Variants in PER3 observed in about 807,000 individuals in gnomAD.
PER3 encodes period circadian protein homolog 3.
A neutral mutation model predicts 127.2 loss-of-function variants in PER3; 107 were observed. The observed-to-expected ratio is 0.84, with a 90% CI of 0.72 to 0.99. The LOEUF is 0.99. PER3 is among the 50% of genes least tolerant of loss of function. PER3 has a pLI of 0.00. For missense variants in PER3, 1,560 were observed against 1,525.8 expected, an observed-to-expected ratio of 1.02 and a Z score of -0.37; for synonymous variants, 618 against 585.8, an observed-to-expected ratio of 1.05 and a Z score of -0.79.
intron 13 of PER3, 23 bp downstream of exon 13, chr1:7,810,611 G>C (rs1469358996): frequency 1.3e-6 from 2 of 1,595,896 alleles, no homozygotes; most frequent in Non-Finnish European, 1.7e-6. Context: ...GCAGCCCCAA[G>C]GATCTCCTTC....
rs757933471 is a variant in PER3, at chr1:7,810,456, T to C, written c.1390T>C (p.Tyr464His). ...CCCTAAGATGACCTTGCAGCAGGTCTATGCCAGTGTGAACAAAATTAAAAA... is the reference window on the plus strand; with the variant it reads ...CCCTAAGATGACCTTGCAGCAGGTCCATGCCAGTGTGAACAAAATTAAAAA... ...KAEQMTLQQVYASVNKIKNLG... is the reference protein window; with the variant it reads ...KAEQMTLQQVHASVNKIKNLG... Residue 464 changes from tyrosine (Y) to histidine (H), a missense_variant, in exon 13 of 22, where the codon TAT (tyrosine) becomes CAT (histidine). By Grantham distance (83) the Tyr-to-His change is moderately conservative. This residue lies in a region of PER3 where 1,332 missense variants were observed against 1,223.6 expected (regional missense o/e 1.09). Transcript: ENST00000377532. The C allele has an allele frequency of 6.2e-7, 1 of 1,610,414 alleles. No homozygotes were observed. Among genetic ancestry groups the C allele is most frequent in the African/African-American group, 1.3e-5 (1 of 74,810 alleles).
rs149617070 is a variant in PER3 at position 7,827,244 on chromosome 1, A to G, written c.2315A>G (p.His772Arg). Residue 772 changes from histidine to arginine, a missense_variant, in exon 18 of 22, where the codon CAT becomes CGT. Physicochemically the swap from His to Arg is conservative, Grantham distance 29. Coordinates refer to ENST00000377532, the MANE Select transcript of PER3 (RefSeq NM_001377275.1). ...NTGSGPRRGA[H>R]QNAQPCCPSA... Reference sequence around the variant, plus strand: ...GGCTCTGGTCCCCGCAGGGGAGCGCATCAGAACGCACAGCCCTGCTGCCCC... The same window carrying G: ...GGCTCTGGTCCCCGCAGGGGAGCGCGTCAGAACGCACAGCCCTGCTGCCCC... 36 of 1,613,862 alleles carry G rather than the reference A, an allele frequency of 2.2e-5. No homozygotes were observed. The African/African-American group carries it at 4.4e-4, about 20-fold the overall frequency.
intron 21 of PER3, among the ~76,000 whole-genome samples, chr1:7,840,086 C>T (rs983213588): frequency 6.6e-6 from 1 of 152,086 alleles, no homozygotes; most frequent in African/African-American, 2.4e-5. Flanking sequence ...TCTTTCTGTT[C>T]GTCGGACTTG....
chr1:7,827,845 T>A, intron 18 of PER3, 30 bp downstream of exon 18: 1 of 1,516,986 alleles, frequency 6.6e-7, no homozygotes, highest in Non-Finnish European at 9.0e-7. Flanking sequence ...AACACTCAAG[T>A]GAGAAAGTGA....
In PER3 at chr1:7,810,026, A is replaced by C. The variant is rs779692410; in HGVS notation, c.1371+5A>C. 4.3e-6 allele frequency: 7 copies of C among 1,612,488 alleles called. No homozygotes were observed. The highest frequency in any genetic ancestry group is 5.1e-6 in the Non-Finnish European group (6 of 1,179,038). On this transcript the variant is annotated splice_donor_5th_base_variant and intron_variant, in intron 12 of 21. Transcript: ENST00000377532. ...GAGGAGACGAAGGCGGAGCAGGTGCATGGGCTTATGTCACATTCTTATACA... is the reference window on the plus strand; with the variant it reads ...GAGGAGACGAAGGCGGAGCAGGTGCCTGGGCTTATGTCACATTCTTATACA...
Position 7,801,153 on chromosome 1 carries a change from A to C in PER3, c.834A>C (p.Thr278=). The C allele has an allele frequency of 1.2e-6, 2 of 1,609,114 alleles. No homozygotes were observed. Residue 278 remains threonine, a synonymous_variant, in exon 8 of 22, where the codon ACA becomes ACC. Coordinates refer to ENST00000377532, the MANE Select transcript of PER3 (RefSeq NM_001377275.1). ...TGAATAAAAGAATCTTCACCACCAC[A>C]CACACCCCAGGGTGTGTTTTTCTTG... is the stretch of plus-strand genomic sequence containing the variant. ...IPVNKRIFTT[T]HTPGCVFLEV...
chr1:7,837,201 T>G, intron 21 of PER3, 52 bp downstream of exon 21: 93 of 1,497,078 alleles, frequency 6.2e-5, no homozygotes, highest in Non-Finnish European at 7.3e-5. Flanking sequence ...GGCCAGGTAG[T>G]GCTTTTAATA....
At chr1:7,834,212 G>A (rs992664492) in intron 19 of PER3, among the ~76,000 whole-genome samples, 20 of 152,100 alleles carry the variant, frequency 1.3e-4, no homozygotes, top group East Asian at 7.7e-4. Context: ...GAGCCACCAC[G>A]CCCAGCCTGC....
chr1:7,823,916 TAA>T (rs1269955259), intron 16 of PER3, among the ~76,000 whole-genome samples: 1 of 152,190 alleles, frequency 6.6e-6, no homozygotes, highest in African/African-American at 2.4e-5. Flanking sequence ...GTCTCAGATT[TAA>T]AAAGGATTGA....
chr1:7,840,774 AT>A (rs112147772), intron 21 of PER3, among the ~76,000 whole-genome samples: 178 of 142,856 alleles, frequency 1.2e-3, no homozygotes, highest in Middle Eastern at 3.7e-3. Context: ...TGCCTGGCTA[AT>A]TTTTTTTTTT....
At position 7,820,169 on chromosome 1, in the gene PER3, A is replaced by G. The variant is rs2097269325; in HGVS notation, c.1713A>G (p.Thr571=). 3 of 1,613,612 alleles carry G rather than the reference A, an allele frequency of 1.9e-6. No homozygotes were observed. Among genetic ancestry groups the G allele is most frequent in the Non-Finnish European group, 2.5e-6 (3 of 1,179,492 alleles). Residue 571 remains threonine (T), a synonymous_variant, in exon 15 of 22, where the codon ACA becomes ACG. Coordinates refer to ENST00000377532, the MANE Select transcript of PER3 (RefSeq NM_001377275.1). ...PALKRKCISC[T]NTTSSSSEED... Reference sequence around the variant, plus strand: ...TGAAAAGAAAGTGTATCTCCTGTACAAATACAACTTCTTCCTCCTCAGAAG... The same window carrying G: ...TGAAAAGAAAGTGTATCTCCTGTACGAATACAACTTCTTCCTCCTCAGAAG...
rs2097077084 is a variant in PER3, at chr1:7,784,768, C to T, written c.-110C>T. On this transcript the variant is annotated 5_prime_UTR_variant, in exon 2 of 22. Coordinates refer to ENST00000377532, the MANE Select transcript of PER3 (RefSeq NM_001377275.1). ...GGTGGCCGCCTGTTCTCACTAACGC[C>T]ATGGCGGGGACCGGAGTGAGAAACC... 1.7e-6 allele frequency: 2 copies of T among 1,196,980 alleles called. No individual in the cohort carries two copies. The highest frequency in any genetic ancestry group is 4.1e-5 in the Admixed American group (1 of 24,156). The allele number at this position is 1,196,980 out of a possible 1,614,324, so 74.1% of individuals were successfully genotyped here.
At chr1:7,802,350 C>A (rs2097174189) in intron 8 of PER3, among the ~76,000 whole-genome samples, 1 of 152,074 alleles carries the variant, frequency 6.6e-6, no homozygotes, top group Non-Finnish European at 1.5e-5. Flanking sequence ...GCAACCTCCA[C>A]CTCCCTGGTT....
At chr1:7,787,055 G>A in intron 4 of PER3, 1 of 448,028 alleles carries the variant, frequency 2.2e-6, no homozygotes. Flanking sequence ...GCAGCTCAGT[G>A]ACTTTGGTTA....
At chr1:7,840,335 AT>A (rs35097424) in intron 21 of PER3, among the ~76,000 whole-genome samples, 45 of 143,650 alleles carry the variant, frequency 3.1e-4, no homozygotes, top group African/African-American at 6.5e-4. Flanking sequence ...TCTTTTTTCT[AT>A]TTTTTTTTTT....
chr1:7,830,279 CCCTTTTT>C, intron 19 of PER3, 118 bp downstream of exon 19: 1 of 891,984 alleles, frequency 1.1e-6, no homozygotes, highest in Non-Finnish European at 1.7e-6. Flanking sequence ...TTTTCTTTTT[CCCTTTTT>C]CCTTTTTGTC....
chr1:7,812,456 C>A (rs932667416), intron 13 of PER3, among the ~76,000 whole-genome samples: 4 of 151,808 alleles, frequency 2.6e-5, no homozygotes, highest in African/African-American at 4.8e-5. Flanking sequence ...GAAACCCCGT[C>A]TCTACTAAAA....
chr1:7,824,632 T>C (rs74887088), intron 16 of PER3, among the ~76,000 whole-genome samples: 1,721 of 152,312 alleles, frequency 0.011, 28 homozygotes, highest in African/African-American at 0.039. Flanking sequence ...CCTATAAATA[T>C]TCTTGATCTT....
At chr1:7,797,782 G>A (rs1302977223) in intron 6 of PER3, among the ~76,000 whole-genome samples, 1 of 152,204 alleles carries the variant, frequency 6.6e-6, no homozygotes, top group Admixed American at 6.5e-5. Context: ...AAAAGTTGGG[G>A]AGTGTGAATT....
Sources: gnomAD v4.1 joint callset for allele counts (sites outside exome capture counted in the v4.1 genomes callset) on GRCh38, gnomAD v4.1.1 for gene constraint, gnomAD v4.1.1 regional missense constraint, MANE v1.5 for transcripts, NCBI Gene and HGNC (gene_info 2026-07-23, HGNC 2026-07-21) for gene names.